The following MAF variants were observed in gnomAD, a reference collection of about 807,000 sequenced individuals.
The protein encoded by MAF is MAF bZIP transcription factor.
Under a neutral mutation model 22.0 loss-of-function variants are expected in MAF, and 10 were observed. The ratio of observed to expected loss-of-function variants is 0.45; its 90% CI spans 0.28 to 0.77. The LOEUF is 0.77. MAF is among the 30% of genes least tolerant of loss of function. The pLI is 0.12. For synonymous variants in MAF, 337 were observed against 255.8 expected, an observed-to-expected ratio of 1.32 and a Z score of -3.03; for missense variants, 544 against 548.4, an observed-to-expected ratio of 0.99 and a Z score of 0.08.
At chr16:79,401,871 G>T in the MAF span, among the ~76,000 whole-genome samples, 1 of 152,248 alleles carries the variant, frequency 6.6e-6, no homozygotes, top group Middle Eastern at 3.4e-3. Flanking sequence ...CATTGATGGT[G>T]GTTGGCTGCC....
chr16:79,576,316 T>G, the MAF span, among the ~76,000 whole-genome samples: 1 of 142,976 alleles, frequency 7.0e-6, no homozygotes. Context: ...GTGAATTCCA[T>G]CAGGCGATTG....
chr16:79,430,102 C>G, the MAF span, among the ~76,000 whole-genome samples: 1 of 152,198 alleles, frequency 6.6e-6, no homozygotes, highest in Non-Finnish European at 1.5e-5. Context: ...AAAACTGGAG[C>G]TTCAACCCAG....
At chr16:79,550,446 C>G in the MAF span, among the ~76,000 whole-genome samples, 6 of 152,198 alleles carry the variant, frequency 3.9e-5, no homozygotes, top group East Asian at 1.2e-3. Flanking sequence ...CTCCATCACT[C>G]CCAGGTCTTT....
At chr16:79,243,946 A>G in the MAF span, among the ~76,000 whole-genome samples, 1 of 152,114 alleles carries the variant, frequency 6.6e-6, no homozygotes, top group Non-Finnish European at 1.5e-5. Context: ...CGTTACATAA[A>G]CAAAACCAAT....
chr16:79,553,479 G>C, the MAF span, among the ~76,000 whole-genome samples: 1 of 152,332 alleles, frequency 6.6e-6, no homozygotes, highest in African/African-American at 2.4e-5. Flanking sequence ...ACAGCGTGGA[G>C]TCAGTTTGTG....
At chr16:79,472,581 C>T in the MAF span, among the ~76,000 whole-genome samples, 1 of 152,064 alleles carries the variant, frequency 6.6e-6, no homozygotes, top group Non-Finnish European at 1.5e-5. Flanking sequence ...TTTATACAGA[C>T]AGGAAGTAGA....
the MAF span, among the ~76,000 whole-genome samples, chr16:79,222,013 G>A: frequency 2.0e-5 from 3 of 151,966 alleles, no homozygotes; most frequent in Admixed American, 6.6e-5. Context: ...ATGAGAAACC[G>A]GAGATCAATT....
the MAF span, among the ~76,000 whole-genome samples, chr16:79,221,160 CT>C: frequency 2.0e-5 from 3 of 152,204 alleles, no homozygotes; most frequent in African/African-American, 7.2e-5. Flanking sequence ...GTTCAGAATT[CT>C]TTGCCTGGTT....
the MAF span, among the ~76,000 whole-genome samples, chr16:79,521,305 T>C: frequency 2.0e-5 from 3 of 152,224 alleles, no homozygotes; most frequent in African/African-American, 4.8e-5. Context: ...TGATGGGGAA[T>C]TGTCCTCAGT....
the MAF span, among the ~76,000 whole-genome samples, chr16:79,467,080 C>G: frequency 6.6e-6 from 1 of 152,174 alleles, no homozygotes; most frequent in South Asian, 2.1e-4. Context: ...CTTGTTGTCA[C>G]CCCTGTTTAA....
the MAF span, among the ~76,000 whole-genome samples, chr16:79,359,753 G>A: frequency 6.6e-6 from 1 of 152,126 alleles, no homozygotes; most frequent in Non-Finnish European, 1.5e-5. Flanking sequence ...GTGCAGAGTA[G>A]GACCACACCA....
chr16:79,351,453 T>C, the MAF span, among the ~76,000 whole-genome samples: 1 of 152,120 alleles, frequency 6.6e-6, no homozygotes, highest in Non-Finnish European at 1.5e-5. Context: ...TGTTGTGTCA[T>C]TTTGTTTTGT....
the MAF span, among the ~76,000 whole-genome samples, chr16:79,568,171 G>A: frequency 2.0e-5 from 3 of 152,220 alleles, no homozygotes; most frequent in Non-Finnish European, 2.9e-5. Context: ...TTTGCATGCA[G>A]ATTAGAGAAA....
the MAF span, among the ~76,000 whole-genome samples, chr16:79,387,362 A>G: frequency 1.3e-5 from 2 of 152,158 alleles, no homozygotes; most frequent in African/African-American, 2.4e-5. Context: ...TTTCATATCT[A>G]TTTATATCCT....
the MAF span, among the ~76,000 whole-genome samples, chr16:79,426,492 G>A: frequency 1.3e-5 from 2 of 151,994 alleles, no homozygotes; most frequent in Non-Finnish European, 2.9e-5. Context: ...CCCTCATACT[G>A]TTAGTTTCTT....
the MAF span, among the ~76,000 whole-genome samples, chr16:79,448,881 G>C: frequency 4.8e-4 from 73 of 152,162 alleles, no homozygotes; most frequent in Non-Finnish European, 9.1e-4. Flanking sequence ...CAGACCTTGG[G>C]GGGAGGCAGG....
At chr16:79,426,821 G>A in the MAF span, among the ~76,000 whole-genome samples, 2 of 152,348 alleles carry the variant, frequency 1.3e-5, no homozygotes, top group Admixed American at 6.5e-5. Flanking sequence ...GAAGGCTGGC[G>A]TGAGCCCGGA....
chr16:79,442,109 GA>G, the MAF span, among the ~76,000 whole-genome samples: 1 of 152,218 alleles, frequency 6.6e-6, no homozygotes, highest in African/African-American at 2.4e-5. Flanking sequence ...CCCACACCTT[GA>G]TTTCAGACTT....
At chr16:79,337,562 C>T in the MAF span, among the ~76,000 whole-genome samples, 269 of 34,446 alleles carry the variant, frequency 7.8e-3, 2 homozygotes, top group African/African-American at 0.031. Context: ...AGCGAGATTC[C>T]GTCTCAAAAA....
Sources: gnomAD v4.1 joint callset for allele counts (sites outside exome capture counted in the v4.1 genomes callset) on GRCh38, gnomAD v4.1.1 for gene constraint, MANE v1.5 for transcripts, NCBI Gene and HGNC (gene_info 2026-07-23, HGNC 2026-07-21) for gene names.